NEDD1: variants seen among roughly 807,000 people sequenced by gnomAD.
NEDD1 encodes NEDD1 gamma-tubulin ring complex targeting factor, also known as protein NEDD1.
Under a neutral mutation model 74.0 loss-of-function variants are expected in NEDD1, and 33 were observed. The ratio of observed to expected loss-of-function variants is 0.45; its 90% CI spans 0.34 to 0.60. The LOEUF (loss-of-function observed/expected upper bound fraction) is 0.60. NEDD1 is among the 20% of genes least tolerant of loss of function. The pLI is 0.01. For missense variants in NEDD1, 746 were observed against 776.5 expected, an observed-to-expected ratio of 0.96 and a Z score of 0.47; for synonymous variants, 250 against 264.4, an observed-to-expected ratio of 0.95 and a Z score of 0.53.
chr12:96,914,837 G>T (rs1387680680), intron 4 of NEDD1, among the ~76,000 whole-genome samples: 1 of 152,132 alleles, frequency 6.6e-6, no homozygotes, highest in Non-Finnish European at 1.5e-5. Context: ...AAGTTCATTA[G>T]TTGCATTAAT....
At chr12:96,944,220 G>T (rs912693647) in intron 12 of NEDD1, among the ~76,000 whole-genome samples, 2 of 151,950 alleles carry the variant, frequency 1.3e-5, no homozygotes, top group African/African-American at 4.8e-5. Flanking sequence ...AGCCAGTTGG[G>T]TATACAATAT....
At chr12:96,946,873 T>C (rs1379947168) in intron 14 of NEDD1, among the ~76,000 whole-genome samples, 3 of 152,188 alleles carry the variant, frequency 2.0e-5, no homozygotes, top group Non-Finnish European at 4.4e-5. Flanking sequence ...CCATCTCTTT[T>C]TATTCACTTC....
intron 3 of NEDD1, 86 bp downstream of exon 3, chr12:96,909,981 G>T: frequency 6.9e-7 from 1 of 1,445,846 alleles, no homozygotes; most frequent in South Asian, 1.4e-5. Context: ...ACTTTTGCAT[G>T]TGCCTCATAC....
intron 5 of NEDD1, among the ~76,000 whole-genome samples, chr12:96,918,601 A>G (rs1196456322): frequency 1.3e-5 from 2 of 152,136 alleles, no homozygotes; most frequent in Non-Finnish European, 1.5e-5. Flanking sequence ...TAGCTCCCTC[A>G]TTCATTCTGT....
chr12:96,944,497 T>C (rs1877994278), intron 12 of NEDD1, 142 bp from the exon 13 acceptor site: 3 of 461,006 alleles, frequency 6.5e-6, no homozygotes, highest in Non-Finnish European at 1.1e-5. Flanking sequence ...TTTTTCTTTT[T>C]CTTCTTCTAT....
At chr12:96,934,112 C>G (rs1876835665) in intron 6 of NEDD1, among the ~76,000 whole-genome samples, 2 of 151,962 alleles carry the variant, frequency 1.3e-5, no homozygotes, top group African/African-American at 4.8e-5. Context: ...TTAAATTATG[C>G]TTCAGGTGTT....
intron 5 of NEDD1, 43 bp downstream of exon 5, chr12:96,917,780 T>C: frequency 2.0e-6 from 3 of 1,523,546 alleles, no homozygotes; most frequent in Non-Finnish European, 8.7e-7. Flanking sequence ...ATGGATATCT[T>C]AATGCATTTA....
At chr12:96,908,173 A>T (rs1462573856) in intron 2 of NEDD1, among the ~76,000 whole-genome samples, 2 of 152,220 alleles carry the variant, frequency 1.3e-5, no homozygotes, top group Non-Finnish European at 2.9e-5. Context: ...ACATTGTGTT[A>T]CATCTCTGCA....
intron 9 of NEDD1, among the ~76,000 whole-genome samples, chr12:96,938,481 C>T (rs1439099756): frequency 2.6e-5 from 4 of 151,972 alleles, no homozygotes; most frequent in Admixed American, 6.6e-5. Flanking sequence ...ACTGTAAACT[C>T]TCTGAAGTCT....
intron 6 of NEDD1, among the ~76,000 whole-genome samples, chr12:96,933,919 A>G (rs2136578077): frequency 1.3e-5 from 2 of 152,306 alleles, no homozygotes; most frequent in East Asian, 3.9e-4. Flanking sequence ...AGTTTATTCA[A>G]ACTAGATCTT....
intron 6 of NEDD1, among the ~76,000 whole-genome samples, chr12:96,931,296 A>T (rs1876438159): frequency 6.6e-6 from 1 of 152,216 alleles, no homozygotes; most frequent in African/African-American, 2.4e-5. Flanking sequence ...GTTATAAGTC[A>T]CTGGCAACAA....
chr12:96,907,916 A>C (rs1200169115), intron 2 of NEDD1, 60 bp downstream of exon 2: 32 of 1,276,804 alleles, frequency 2.5e-5, no homozygotes, highest in Non-Finnish European at 3.2e-5. Context: ...CAAACATTAA[A>C]TCACCCGGCG....
intron 6 of NEDD1, among the ~76,000 whole-genome samples, chr12:96,934,526 G>A (rs1436973711): frequency 6.6e-6 from 1 of 150,558 alleles, no homozygotes; most frequent in Non-Finnish European, 1.5e-5. Context: ...GACAGAGTTG[G>A]GTTTTTTTGT....
intron 4 of NEDD1, among the ~76,000 whole-genome samples, chr12:96,915,860 C>CA (rs1161121586): frequency 3.3e-5 from 5 of 151,878 alleles, no homozygotes; most frequent in Non-Finnish European, 7.4e-5. Flanking sequence ...AACTAGTAAA[C>CA]AAAAAATACC....
intron 3 of NEDD1, among the ~76,000 whole-genome samples, chr12:96,910,388 TCTTC>T (rs771567236): frequency 2.6e-5 from 4 of 152,218 alleles, no homozygotes; most frequent in Non-Finnish European, 4.4e-5. Flanking sequence ...ACTCTCCATA[TCTTC>T]CTTCCTCTCT....
At chr12:96,922,951 T>A (rs1346774487) in intron 6 of NEDD1, among the ~76,000 whole-genome samples, 1 of 152,034 alleles carries the variant, frequency 6.6e-6, no homozygotes, top group African/African-American at 2.4e-5. Flanking sequence ...CTCATCTCTA[T>A]TAAAAATATA....
intron 6 of NEDD1, among the ~76,000 whole-genome samples, chr12:96,922,882 A>C (rs553945005): frequency 5.7e-4 from 87 of 152,182 alleles, no homozygotes; most frequent in Non-Finnish European, 9.3e-4. Context: ...TGGGAGGCTG[A>C]GGCAGGCAGA....
At chr12:96,909,271 A>C (rs759390888) in intron 2 of NEDD1, among the ~76,000 whole-genome samples, 1 of 152,132 alleles carries the variant, frequency 6.6e-6, no homozygotes, top group Admixed American at 6.5e-5. Context: ...GTCCCTTACC[A>C]GGTAAGGAAG....
intron 7 of NEDD1, among the ~76,000 whole-genome samples, chr12:96,936,264 A>G (rs1490180239): frequency 6.6e-6 from 1 of 152,178 alleles, no homozygotes; most frequent in Non-Finnish European, 1.5e-5. Flanking sequence ...CTCCTCAACC[A>G]TGAGGCCAGA....
Sources: gnomAD v4.1 joint callset for allele counts (sites outside exome capture counted in the v4.1 genomes callset) on GRCh38, gnomAD v4.1.1 for gene constraint, MANE v1.5 for transcripts, NCBI Gene and HGNC (gene_info 2026-07-23, HGNC 2026-07-21) for gene names.